SEMA5A: variants seen among roughly 807,000 people sequenced by gnomAD.
The protein encoded by SEMA5A is semaphorin-5A.
In SEMA5A, 55 loss-of-function variants were observed where a neutral mutation model predicts 135.5. The observed-to-expected ratio is 0.41, with a 90% confidence interval of 0.33 to 0.51. The LOEUF (loss-of-function observed/expected upper bound fraction) is 0.51. Ranked by LOEUF, SEMA5A falls within the 20% of genes least tolerant of loss-of-function variation. SEMA5A has a pLI of 0.37. For missense variants in SEMA5A, 1,290 were observed against 1,419.9 expected (o/e 0.91, Z 1.47); for synonymous variants, 580 against 546.5 (o/e 1.06, Z -0.85).
At chr5:9,138,185 G>A (rs1314742012) in intron 12 of SEMA5A, among the ~76,000 whole-genome samples, 3 of 152,050 alleles carry the variant, frequency 2.0e-5, no homozygotes, top group East Asian at 1.9e-4. Flanking sequence ...CTTGATATGC[G>A]ACCATATGCA....
At chr5:9,220,085 C>T (rs1746848576) in intron 8 of SEMA5A, among the ~76,000 whole-genome samples, 1 of 152,056 alleles carries the variant, frequency 6.6e-6, no homozygotes, top group African/African-American at 2.4e-5. Flanking sequence ...ATCATTATTC[C>T]AAGGGGAGTA....
intron 16 of SEMA5A, among the ~76,000 whole-genome samples, chr5:9,077,974 G>A (rs1009065832): frequency 6.6e-6 from 1 of 152,174 alleles, no homozygotes; most frequent in Admixed American, 6.5e-5. Flanking sequence ...CTAAAGCTCA[G>A]GAGAATAAGA....
intron 11 of SEMA5A, among the ~76,000 whole-genome samples, chr5:9,186,439 T>A (rs1025481034): frequency 3.3e-5 from 5 of 152,182 alleles, no homozygotes; most frequent in African/African-American, 1.2e-4. Flanking sequence ...TGTGTTCATG[T>A]AAAATCAAAG....
chr5:9,218,168 C>G (rs1579637820), intron 8 of SEMA5A, among the ~76,000 whole-genome samples: 1 of 152,058 alleles, frequency 6.6e-6, no homozygotes, highest in African/African-American at 2.4e-5. Flanking sequence ...ACCTTTGTAA[C>G]AAACCTTCAC....
chr5:9,366,019 C>A (rs1754898593), intron 3 of SEMA5A, among the ~76,000 whole-genome samples: 1 of 152,086 alleles, frequency 6.6e-6, no homozygotes, highest in Non-Finnish European at 1.5e-5. Context: ...ATGATATAAA[C>A]CACAATTAGA....
chr5:9,302,219 G>A (rs1557880), intron 5 of SEMA5A, among the ~76,000 whole-genome samples: 21,228 of 152,118 alleles, frequency 0.14, 1,575 homozygotes, highest in South Asian at 0.19. Context: ...TCTTTGCCAT[G>A]TAAGGTCACA....
intron 1 of SEMA5A, among the ~76,000 whole-genome samples, chr5:9,446,116 G>C (rs1019897370): frequency 1.3e-5 from 2 of 152,192 alleles, no homozygotes; most frequent in Admixed American, 1.3e-4. Flanking sequence ...CCTAACAACA[G>C]TTTGGAAGGA....
chr5:9,175,354 A>G (rs996903873), intron 11 of SEMA5A, among the ~76,000 whole-genome samples: 1 of 152,120 alleles, frequency 6.6e-6, no homozygotes, highest in Admixed American at 6.5e-5. Context: ...CCAGTTAGGC[A>G]CATGTTTATG....
chr5:9,475,123 A>G (rs1221730944), intron 1 of SEMA5A, among the ~76,000 whole-genome samples: 1 of 152,072 alleles, frequency 6.6e-6, no homozygotes, highest in Non-Finnish European at 1.5e-5. Flanking sequence ...GGAGAGACTG[A>G]GTTTCGCCAT....
intron 5 of SEMA5A, among the ~76,000 whole-genome samples, chr5:9,313,460 G>A (rs1752235196): frequency 6.6e-6 from 1 of 152,060 alleles, no homozygotes; most frequent in African/African-American, 2.4e-5. Context: ...CTCCATTAAA[G>A]TTATGTTTAA....
chr5:9,325,820 CA>C (rs3839322), intron 4 of SEMA5A, among the ~76,000 whole-genome samples: 102,983 of 151,900 alleles, frequency 0.68, 37,991 homozygotes, highest in Non-Finnish European at 0.83. Context: ...ACTATAAAAT[CA>C]AAGAAAAAAT....
chr5:9,405,413 C>T (rs998197919), intron 2 of SEMA5A, among the ~76,000 whole-genome samples: 1 of 152,146 alleles, frequency 6.6e-6, no homozygotes, highest in Non-Finnish European at 1.5e-5. Context: ...TCCAAAGCCC[C>T]AGGACAACAT....
chr5:9,348,696 T>C (rs1293582467), intron 3 of SEMA5A, among the ~76,000 whole-genome samples: 1 of 152,228 alleles, frequency 6.6e-6, no homozygotes, highest in Non-Finnish European at 1.5e-5. Context: ...TGACTAAAAT[T>C]ACAAAAATGA....
At chr5:9,317,812 A>G (rs919726423) in intron 5 of SEMA5A, among the ~76,000 whole-genome samples, 1 of 152,104 alleles carries the variant, frequency 6.6e-6, no homozygotes, top group Non-Finnish European at 1.5e-5. Context: ...GGCTTTTGTG[A>G]CTCAGATCTG....
chr5:9,528,042 T>C (rs1281241223), intron 1 of SEMA5A, among the ~76,000 whole-genome samples: 6 of 152,204 alleles, frequency 3.9e-5, no homozygotes, highest in Non-Finnish European at 8.8e-5. Context: ...TCCTTATGTG[T>C]CCATGTGTCA....
chr5:9,086,559 T>C (rs1268392076), intron 16 of SEMA5A, among the ~76,000 whole-genome samples: 2 of 152,188 alleles, frequency 1.3e-5, no homozygotes, highest in Non-Finnish European at 2.9e-5. Context: ...CCACATGGAA[T>C]TGTAAGTCCA....
At chr5:9,356,237 A>C (rs1334388808) in intron 3 of SEMA5A, among the ~76,000 whole-genome samples, 1 of 152,166 alleles carries the variant, frequency 6.6e-6, no homozygotes, top group Non-Finnish European at 1.5e-5. Flanking sequence ...CATAATTGTG[A>C]ACATAATTTG....
intron 5 of SEMA5A, among the ~76,000 whole-genome samples, chr5:9,255,121 A>G (rs1028935513): frequency 6.6e-6 from 1 of 152,238 alleles, no homozygotes; most frequent in Non-Finnish European, 1.5e-5. Context: ...CTGTTCAGGA[A>G]AGAAGTTAGT....
At chr5:9,392,228 C>T (rs983264438) in intron 2 of SEMA5A, among the ~76,000 whole-genome samples, 3 of 152,172 alleles carry the variant, frequency 2.0e-5, no homozygotes, top group African/African-American at 7.2e-5. Flanking sequence ...ATCTTCTTCA[C>T]ATCACTTAAA....
Sources: gnomAD v4.1 joint callset for allele counts (sites outside exome capture counted in the v4.1 genomes callset) on GRCh38, gnomAD v4.1.1 for gene constraint, MANE v1.5 for transcripts, NCBI Gene and HGNC (gene_info 2026-07-23, HGNC 2026-07-21) for gene names.